The following RBMS3 variants were observed in gnomAD, a reference collection of about 807,000 sequenced individuals.
The protein encoded by RBMS3 is RNA binding motif single stranded interacting protein 3, also known as RNA-binding motif, single-stranded-interacting protein 3.
In RBMS3, 27 loss-of-function variants were observed where a neutral mutation model predicts 66.8. The observed-to-expected ratio is 0.40, with a 90% CI of 0.30 to 0.56. The LOEUF is 0.56. RBMS3 is among the 20% of genes least tolerant of loss of function. The probability of loss-of-function intolerance (pLI) is 0.40; values close to 1 mark genes in which losing one functional copy is unlikely to be tolerated. For synonymous variants in RBMS3, 188 were observed against 183.0 expected (o/e 1.03, Z -0.22); for missense variants, 513 against 549.5 (o/e 0.93, Z 0.66).
At chr3:29,909,570 G>A (rs1210137851) in intron 10 of RBMS3, among the ~76,000 whole-genome samples, 2 of 152,044 alleles carry the variant, frequency 1.3e-5, no homozygotes, top group African/African-American at 4.8e-5. Flanking sequence ...GGTGAGTCTA[G>A]AATCTTTTGA....
At chr3:29,490,042 C>CAA (rs1245001930) in intron 3 of RBMS3, among the ~76,000 whole-genome samples, 5,240 of 47,148 alleles carry the variant, frequency 0.11, 265 homozygotes, top group East Asian at 0.23. Context: ...GACTCCCTCT[C>CAA]AAAAAAAAAA....
chr3:29,967,769 G>A (rs1255203760), intron 12 of RBMS3, among the ~76,000 whole-genome samples: 1 of 152,172 alleles, frequency 6.6e-6, no homozygotes, highest in Non-Finnish European at 1.5e-5. Context: ...TGTGTTCACA[G>A]TAGCCTTGAA....
At chr3:29,943,839 G>C (rs377315836) in intron 11 of RBMS3, among the ~76,000 whole-genome samples, 1 of 151,226 alleles carries the variant, frequency 6.6e-6, no homozygotes. Context: ...ACTTTGTTTC[G>C]TATCATGCTC....
intron 3 of RBMS3, among the ~76,000 whole-genome samples, chr3:29,497,078 C>T (rs546453359): frequency 2.0e-5 from 3 of 151,822 alleles, no homozygotes; most frequent in Admixed American, 6.6e-5. Flanking sequence ...GCTAGAGTCT[C>T]GGCTCACTGC....
At chr3:29,374,513 T>A (rs1403945336) in intron 1 of RBMS3, among the ~76,000 whole-genome samples, 1 of 152,224 alleles carries the variant, frequency 6.6e-6, no homozygotes, top group Non-Finnish European at 1.5e-5. Flanking sequence ...TGTTTTTCAC[T>A]TTCAGTACAG....
chr3:29,400,770 T>TGTTTTCAA (rs890418557), intron 1 of RBMS3, among the ~76,000 whole-genome samples: 1 of 152,040 alleles, frequency 6.6e-6, no homozygotes, highest in Non-Finnish European at 1.5e-5. Context: ...TCTTGATAGA[T>TGTTTTCAA]GTTTTCAAGT....
intron 3 of RBMS3, among the ~76,000 whole-genome samples, chr3:29,535,710 CTT>C (rs149022808): frequency 0.02 from 784 of 39,380 alleles, no homozygotes; most frequent in African/African-American, 0.062. Context: ...GATCATTGCT[CTT>C]TTTTTTTTTT....
At chr3:29,705,126 T>C (rs2052819613) in intron 4 of RBMS3, among the ~76,000 whole-genome samples, 1 of 152,182 alleles carries the variant, frequency 6.6e-6, no homozygotes, top group Non-Finnish European at 1.5e-5. Context: ...ATGTCCACGG[T>C]GAATAACAAT....
chr3:29,729,549 T>C (rs2054038511), intron 4 of RBMS3, among the ~76,000 whole-genome samples: 1 of 152,166 alleles, frequency 6.6e-6, no homozygotes. Flanking sequence ...TCTAGATGCT[T>C]GAGGAATCGC....
intron 4 of RBMS3, among the ~76,000 whole-genome samples, chr3:29,652,916 A>T (rs561276061): frequency 6.6e-6 from 1 of 152,288 alleles, no homozygotes; most frequent in South Asian, 2.1e-4. Flanking sequence ...ACATCCAAGA[A>T]GGTTAGAAGA....
chr3:29,966,470 T>A (rs1166043196), intron 12 of RBMS3, among the ~76,000 whole-genome samples: 1 of 151,878 alleles, frequency 6.6e-6, no homozygotes, highest in Non-Finnish European at 1.5e-5. Flanking sequence ...CAGCTAGGGG[T>A]TGAGTTCTCG....
intron 3 of RBMS3, among the ~76,000 whole-genome samples, chr3:29,582,195 T>C (rs202218798): frequency 6.6e-5 from 10 of 150,522 alleles, no homozygotes; most frequent in Non-Finnish European, 1.3e-4. Flanking sequence ...GATAGATAGA[T>C]ACACACACAC....
intron 10 of RBMS3, among the ~76,000 whole-genome samples, chr3:29,922,493 C>CAAAAAAAAAAA (rs68121692): frequency 8.1e-5 from 8 of 99,082 alleles, no homozygotes; most frequent in Non-Finnish European, 1.3e-4. Flanking sequence ...GACTCCGTCT[C>CAAAAAAAAAAA]AAAAAAAAAA....
chr3:29,729,920 T>C (rs891978677), intron 4 of RBMS3, among the ~76,000 whole-genome samples: 3 of 152,106 alleles, frequency 2.0e-5, no homozygotes, highest in African/African-American at 7.2e-5. Context: ...AAAATGGGGC[T>C]ATCTACCTCA....
intron 2 of RBMS3, among the ~76,000 whole-genome samples, chr3:29,445,145 A>T (rs1342796208): frequency 6.6e-6 from 1 of 152,016 alleles, no homozygotes; most frequent in Non-Finnish European, 1.5e-5. Context: ...CAGTAATATA[A>T]AAATGATTTT....
rs780770102 is a variant in RBMS3 at position 29,604,112 on chromosome 3, A to G, written c.399+16907A>G. Among the ~76,000 whole-genome samples, 88 of 152,088 alleles carry G rather than the reference A, an allele frequency of 5.8e-4. 1 individual carries two copies. Among genetic ancestry groups the G allele is most frequent in the Admixed American group, 3.3e-4 (5 of 15,232 alleles). Reference sequence around the variant, plus strand: ...TTCGGTCTAAAATATCAATAATGTCAAGGTTGAGAAACGCTATTTTGGAAT... The same window carrying G: ...TTCGGTCTAAAATATCAATAATGTCGAGGTTGAGAAACGCTATTTTGGAAT... On this transcript the variant is annotated intron_variant, in intron 4 of 14. Coordinates refer to ENST00000383767, the MANE Select transcript of RBMS3 (RefSeq NM_001003793.3).
At chr3:29,646,611 T>TG (rs2049930484) in intron 4 of RBMS3, among the ~76,000 whole-genome samples, 1 of 148,712 alleles carries the variant, frequency 6.7e-6, no homozygotes. Flanking sequence ...ACAATTTTTA[T>TG]GTTTTTTTTT....
At chr3:29,680,287 T>C (rs568550141) in intron 4 of RBMS3, among the ~76,000 whole-genome samples, 102 of 152,342 alleles carry the variant, frequency 6.7e-4, no homozygotes, top group African/African-American at 2.4e-3. Context: ...ATTTGAGTGA[T>C]GTTTTGCCTA....
intron 14 of RBMS3, among the ~76,000 whole-genome samples, chr3:29,994,471 G>A (rs1220240184): frequency 2.6e-5 from 4 of 152,220 alleles, no homozygotes; most frequent in Non-Finnish European, 5.9e-5. Flanking sequence ...TCCACCTCTG[G>A]GGACAGGGCA....
Sources: allele counts gnomAD v4.1 joint callset (sites outside exome capture counted in the v4.1 genomes callset), GRCh38; gene constraint gnomAD v4.1.1; transcripts MANE v1.5; gene names NCBI Gene and HGNC (gene_info 2026-07-23, HGNC 2026-07-21).